EPG5: variants seen among roughly 807,000 people sequenced by gnomAD.
EPG5 encodes ectopic P-granules 5 autophagy tethering factor.
A neutral mutation model predicts 302.7 loss-of-function variants in EPG5; 159 were observed. The observed-to-expected ratio is 0.53, with a 90% confidence interval of 0.46 to 0.60. The LOEUF is 0.60. Among genes scored for constraint, EPG5 ranks in the 20% least tolerant of loss-of-function variants. The pLI, the probability that EPG5 is intolerant of heterozygous loss-of-function variation, is 0.00. For synonymous variants in EPG5, 1,158 were observed against 1,136.8 expected (o/e 1.02, Z -0.37); for missense variants, 2,896 against 3,092.4 (o/e 0.94, Z 1.51).
At chr18:45,953,544 G>C in intron 2 of EPG5, 1 of 985,318 alleles carries the variant, frequency 1.0e-6, no homozygotes, top group Non-Finnish European at 1.2e-6. Flanking sequence ...TGCCAAACTT[G>C]TCAAGAGTAA....
intron 27 of EPG5, among the ~76,000 whole-genome samples, chr18:45,894,767 A>G (rs2049432137): frequency 6.6e-6 from 1 of 152,226 alleles, no homozygotes; most frequent in South Asian, 2.1e-4. Context: ...GAAAGTCTAA[A>G]TGGCTGAAAA....
the EPG5 span, among the ~76,000 whole-genome samples, chr18:45,836,451 A>T: frequency 2.6e-5 from 4 of 151,640 alleles, no homozygotes; most frequent in Non-Finnish European, 5.9e-5. Flanking sequence ...TCTCCTTGGG[A>T]GGCACCACCC....
chr18:45,922,407 T>C lies in EPG5; in HGVS notation c.3032A>G (p.Lys1011Arg). 6.2e-7 allele frequency: 1 copy of C among 1,614,198 alleles called. No homozygotes were observed. Among genetic ancestry groups the C allele is most frequent in the Non-Finnish European group, 8.5e-7 (1 of 1,180,034 alleles). Reference sequence around the variant, plus strand: ...AATGGGCATGCCCGCTTTCACAGCCTTCAAGAGAGGATGAAACGTGGGTGA... The same window carrying C: ...AATGGGCATGCCCGCTTTCACAGCCCTCAAGAGAGGATGAAACGTGGGTGA... ...TESPTFHPLLKAVKAGMPIGC... is the reference protein window; with the variant it reads ...TESPTFHPLLRAVKAGMPIGC... The change falls in exon 16 of 44, where the codon AAG becomes AGG. Residue 1011 changes from lysine (K) to arginine (R), a missense_variant. Coordinates refer to ENST00000282041, the MANE Select transcript of EPG5 (RefSeq NM_020964.3).
At chr18:45,893,217 G>A (rs2049389413) in intron 27 of EPG5, among the ~76,000 whole-genome samples, 3 of 152,168 alleles carry the variant, frequency 2.0e-5, no homozygotes, top group African/African-American at 7.2e-5. Context: ...ACTTTGGCAA[G>A]TCTCACAGTG....
At chr18:45,944,995 A>C (rs2050755099) in intron 7 of EPG5, among the ~76,000 whole-genome samples, 1 of 152,340 alleles carries the variant, frequency 6.6e-6, no homozygotes, top group South Asian at 2.1e-4. Flanking sequence ...ACAGAGCACT[A>C]AAGTCACCTT....
At chr18:45,891,740 TATA>T (rs1447005150) in intron 27 of EPG5, among the ~76,000 whole-genome samples, 1 of 152,164 alleles carries the variant, frequency 6.6e-6, no homozygotes, top group Admixed American at 6.5e-5. Flanking sequence ...TTCTAGAACA[TATA>T]ATGTTAACAA....
the EPG5 span, chr18:45,839,233 C>T: frequency 8.3e-7 from 1 of 1,206,862 alleles, no homozygotes; most frequent in African/African-American, 1.6e-5. Context: ...GCTTTCCTCT[C>T]TTTGCATGAA....
the EPG5 span, among the ~76,000 whole-genome samples, chr18:45,827,487 C>G: frequency 6.6e-6 from 1 of 152,156 alleles, no homozygotes; most frequent in Non-Finnish European, 1.5e-5. Flanking sequence ...TGGCCAGACC[C>G]AAGTGGTCAA....
intron 24 of EPG5, among the ~76,000 whole-genome samples, chr18:45,904,974 AG>A (rs1274192555): frequency 6.6e-6 from 1 of 152,132 alleles, no homozygotes; most frequent in Non-Finnish European, 1.5e-5. Flanking sequence ...ATATGTGGGG[AG>A]GGGGAGAAGA....
At position 45,875,732 on chromosome 18, in the gene EPG5, G is replaced by A. The variant is rs958406647; in HGVS notation, c.6049+504C>T. ...AAATTTACCATAACTGAGAAACTCA[G>A]AGCAACCTAACAAAAAAAGGTAAGA... On this transcript the variant is annotated intron_variant, in intron 35 of 43. Transcript: ENST00000282041. 2.0e-5 allele frequency among the ~76,000 whole-genome samples: 3 copies of A among 152,134 alleles called. No individual in the cohort carries two copies. The East Asian group carries it at 5.8e-4, about 29-fold the overall frequency.
chr18:45,843,980 G>A (rs2048345961), downstream of EPG5: 1 of 152,112 alleles, frequency 6.6e-6, no homozygotes, highest in East Asian at 1.9e-4. Flanking sequence ...GTACTCCCAT[G>A]TTTACTGCAG....
At chr18:45,801,899 G>A in the EPG5 span, among the ~76,000 whole-genome samples, 1 of 152,168 alleles carries the variant, frequency 6.6e-6, no homozygotes, top group South Asian at 2.1e-4. Flanking sequence ...TCCTGAGAGG[G>A]AGGAGCAGTG....
chr18:45,888,960 G>A (rs2049277292), intron 28 of EPG5, among the ~76,000 whole-genome samples: 1 of 152,146 alleles, frequency 6.6e-6, no homozygotes, highest in Admixed American at 6.5e-5. Flanking sequence ...TTGAGATAAA[G>A]ATTTCTGTGT....
chr18:45,888,872 T>C (rs1054425082), intron 28 of EPG5, among the ~76,000 whole-genome samples: 4 of 152,252 alleles, frequency 2.6e-5, no homozygotes, highest in Non-Finnish European at 5.9e-5. Flanking sequence ...TATTTAACTT[T>C]TTGTATTCTT....
chr18:45,824,062 T>G, the EPG5 span, among the ~76,000 whole-genome samples: 26 of 151,548 alleles, frequency 1.7e-4, no homozygotes, highest in Middle Eastern at 3.4e-3. Context: ...AGGATGAAAA[T>G]GGGTTGGGAA....
At chr18:45,801,259 C>T in the EPG5 span, among the ~76,000 whole-genome samples, 1 of 152,170 alleles carries the variant, frequency 6.6e-6, no homozygotes, top group Non-Finnish European at 1.5e-5. Context: ...TGTTCTTGAA[C>T]TCCTGACCTC....
rs1356997202 is a variant in EPG5 at position 45,954,699 on chromosome 18, G to T, written c.703C>A (p.Pro235Thr). 6.2e-7 allele frequency: 1 copy of T among 1,614,118 alleles called. No individual in the cohort carries two copies. Among genetic ancestry groups the T allele is most frequent in the Non-Finnish European group, 8.5e-7 (1 of 1,180,052 alleles). Residue 235 changes from proline (P) to threonine (T), a missense_variant, in exon 2 of 44, where the codon CCC becomes ACC. Physicochemically the swap from Pro to Thr is conservative, Grantham distance 38 (BLOSUM62 -1). This residue lies in a region of EPG5 where 1,390 missense variants were observed against 1,430.0 expected (regional missense o/e 0.97). Transcript: ENST00000282041. ...TAGAGTCGCTCACTGCGAAGCAAGGGTTTCACTGCCACCAAAGCTGGTGCT... is the reference window on the plus strand; with the variant it reads ...TAGAGTCGCTCACTGCGAAGCAAGGTTTTCACTGCCACCAAAGCTGGTGCT... ...GEAPALVAVK[P>T]LLRSERLYPE... is the part of the protein sequence containing the mutation.
intron 2 of EPG5, among the ~76,000 whole-genome samples, chr18:45,952,925 C>A (rs2050943766): frequency 6.6e-6 from 1 of 152,048 alleles, no homozygotes; most frequent in African/African-American, 2.4e-5. Flanking sequence ...TGTAATCCCA[C>A]CACTTTGGGA....
intron 7 of EPG5, among the ~76,000 whole-genome samples, chr18:45,944,901 A>G (rs1179376952): frequency 6.6e-6 from 1 of 152,238 alleles, no homozygotes; most frequent in Non-Finnish European, 1.5e-5. Context: ...GTTGTCAATT[A>G]CTGCTGCCAA....
Sources: allele counts gnomAD v4.1 joint callset (sites outside exome capture counted in the v4.1 genomes callset), GRCh38; gene constraint gnomAD v4.1.1; regional missense constraint gnomAD v4.1.1; transcripts MANE v1.5; gene names NCBI Gene and HGNC (gene_info 2026-07-23, HGNC 2026-07-21).